EPHB1: variants seen among roughly 807,000 people sequenced by gnomAD.
EPHB1 encodes ephrin type-B receptor 1.
In EPHB1, 30 loss-of-function variants were observed where a neutral mutation model predicts 94.4. The observed-to-expected ratio is 0.32, with a 90% CI of 0.24 to 0.43. EPHB1 has a LOEUF of 0.43. EPHB1 is among the 20% of genes least tolerant of loss of function. The probability of loss-of-function intolerance (pLI) is 1.00; values close to 1 mark genes in which losing one functional copy is unlikely to be tolerated. For missense variants in EPHB1, 1,055 were observed against 1,308.3 expected (o/e 0.81, Z 2.99); for synonymous variants, 522 against 489.1 (o/e 1.07, Z -0.89).
chr3:135,255,215 A>T (rs1933324050), intron 15 of EPHB1, among the ~76,000 whole-genome samples: 2 of 151,438 alleles, frequency 1.3e-5, no homozygotes, highest in Non-Finnish European at 1.5e-5. Context: ...TATTTCCTTC[A>T]GTTCTGCTCT....
chr3:135,251,726 T>C (rs750199332), intron 15 of EPHB1, among the ~76,000 whole-genome samples: 11 of 152,222 alleles, frequency 7.2e-5, no homozygotes, highest in Non-Finnish European at 1.3e-4. Context: ...CTTGGGAGAC[T>C]GACTACCAGC....
chr3:134,951,608 A>G lies in EPHB1; in HGVS notation c.361A>G (p.Ile121Val), dbSNP rs745488354. Residue 121 changes from isoleucine to valine, a missense_variant, in exon 3 of 16, where the codon ATT becomes GTT. Transcript: ENST00000398015. The surrounding 1 kb of genome is among the most constrained non-coding windows in gnomAD (Gnocchi z 4.5). ...NLYYYETDSV[I>V]ATKKSAFWSE... ...GTATTACTATGAGACTGACTCTGTCATTGCCACCAAGAAGTCAGCCTTCTG... is the reference window on the plus strand; with the variant it reads ...GTATTACTATGAGACTGACTCTGTCGTTGCCACCAAGAAGTCAGCCTTCTG... 45 of 1,613,978 alleles carry G rather than the reference A, an allele frequency of 2.8e-5. No homozygotes were observed. Among genetic ancestry groups the G allele is most frequent in the Non-Finnish European group, 3.6e-5 (43 of 1,179,962 alleles).
chr3:135,208,363 C>T (rs1197921526), intron 12 of EPHB1, among the ~76,000 whole-genome samples: 1 of 151,098 alleles, frequency 6.6e-6, no homozygotes, highest in Non-Finnish European at 1.5e-5. Flanking sequence ...GAGATGCACA[C>T]GTGTGGCCCG....
At chr3:134,842,900 G>A (rs114301758) in intron 1 of EPHB1, among the ~76,000 whole-genome samples, 1,867 of 152,162 alleles carry the variant, frequency 0.012, 44 homozygotes, top group African/African-American at 0.043. Context: ...TCAACAATAC[G>A]GTGTTATTAG....
intron 3 of EPHB1, among the ~76,000 whole-genome samples, chr3:135,005,964 C>T (rs1026598337): frequency 1.3e-5 from 2 of 152,154 alleles, no homozygotes; most frequent in African/African-American, 2.4e-5. Flanking sequence ...TGTTCCTATT[C>T]GGCCATCTTG....
intron 4 of EPHB1, among the ~76,000 whole-genome samples, chr3:135,123,665 C>T (rs553255559): frequency 6.6e-6 from 1 of 152,212 alleles, no homozygotes; most frequent in African/African-American, 2.4e-5. Context: ...ACAGACAAGA[C>T]ATTCTGTCAC....
At chr3:134,825,524 G>T (rs2108291486) in intron 1 of EPHB1, among the ~76,000 whole-genome samples, 1 of 152,310 alleles carries the variant, frequency 6.6e-6, no homozygotes, top group South Asian at 2.1e-4. Context: ...CCCTCTTTGG[G>T]TACCATTTTT....
At chr3:135,226,816 T>C (rs1399887184) in intron 12 of EPHB1, among the ~76,000 whole-genome samples, 1 of 152,156 alleles carries the variant, frequency 6.6e-6, no homozygotes, top group Admixed American at 6.5e-5. Flanking sequence ...GATCCATCAT[T>C]TTCTTAACAC....
chr3:135,111,019 G>T (rs1428004252), intron 4 of EPHB1, among the ~76,000 whole-genome samples: 1 of 152,170 alleles, frequency 6.6e-6, no homozygotes, highest in Non-Finnish European at 1.5e-5. Flanking sequence ...GGTAGAAATG[G>T]CTTTGGTATG....
intron 1 of EPHB1, among the ~76,000 whole-genome samples, chr3:134,874,035 T>G (rs1378513761): frequency 2.0e-5 from 3 of 152,106 alleles, no homozygotes; most frequent in Non-Finnish European, 4.4e-5. Flanking sequence ...GGTGGAAACT[T>G]AAACATCAGC....
intron 15 of EPHB1, among the ~76,000 whole-genome samples, chr3:135,251,064 T>TC (rs1553753568): frequency 6.6e-6 from 1 of 151,872 alleles, no homozygotes; most frequent in African/African-American, 2.4e-5. Flanking sequence ...TTTTTTTTTT[T>TC]CAGAAATGAT....
chr3:135,106,818 C>G (rs1042639847), intron 4 of EPHB1, among the ~76,000 whole-genome samples: 1 of 152,148 alleles, frequency 6.6e-6, no homozygotes, highest in Non-Finnish European at 1.5e-5. Context: ...TCTTTCTTCC[C>G]CCTTCTTCCC....
chr3:135,067,668 C>G (rs889649673), intron 3 of EPHB1: 1 of 152,240 alleles, frequency 6.6e-6, no homozygotes, highest in Non-Finnish European at 1.5e-5. Context: ...AGTCTGCATG[C>G]CAGATTCGCA....
intron 1 of EPHB1, among the ~76,000 whole-genome samples, chr3:134,915,874 G>A (rs181491896): frequency 2.2e-4 from 34 of 152,310 alleles, no homozygotes; most frequent in Middle Eastern, 3.4e-3. Flanking sequence ...TGCAAAGAGC[G>A]AAAGAGCAAA....
chr3:134,983,166 T>C (rs572646073), intron 3 of EPHB1, among the ~76,000 whole-genome samples: 4 of 152,336 alleles, frequency 2.6e-5, no homozygotes, highest in African/African-American at 9.6e-5. Context: ...GCCTCACAGG[T>C]CAAATTGCTT....
intron 13 of EPHB1, 63 bp from the exon 14 acceptor site, chr3:135,248,253 A>G: frequency 6.9e-7 from 1 of 1,447,620 alleles, no homozygotes; most frequent in South Asian, 1.5e-5. Flanking sequence ...AAAGGGGATA[A>G]TTTGTGAGTG....
At chr3:134,961,232 G>A (rs1933506981) in intron 3 of EPHB1, among the ~76,000 whole-genome samples, 1 of 152,140 alleles carries the variant, frequency 6.6e-6, no homozygotes, top group Non-Finnish European at 1.5e-5. Flanking sequence ...AGGATGCTGT[G>A]GCTGCAAGTG....
At chr3:135,154,514 G>C in intron 6 of EPHB1, 1 of 457,860 alleles carries the variant, frequency 2.2e-6, no homozygotes. Flanking sequence ...CCTGCAATCT[G>C]GATAGTTCAC....
rs61369813 is a variant in EPHB1, at chr3:134,959,966, C to CTTTTTTTTTTTTTTTTTT, written c.805+7939_805+7956dup. ...AGAATTTGAGCACAAACATCTGCAC[C>CTTTTTTTTTTTTTTTTTT]TTTTTTTTTTTTTTTTTTTTTTTTT... is the stretch of plus-strand genomic sequence containing the variant. On this transcript the variant is annotated intron_variant, in intron 3 of 15. Coordinates refer to ENST00000398015, the MANE Select transcript of EPHB1 (RefSeq NM_004441.5). 3.7e-5 allele frequency among the ~76,000 whole-genome samples: 4 copies of CTTTTTTTTTTTTTTTTTT among 107,378 alleles called. 1 individual carries two copies. Among genetic ancestry groups the CTTTTTTTTTTTTTTTTTT allele is most frequent in the Non-Finnish European group, 7.7e-5 (4 of 52,126 alleles). 70.4% of individuals were successfully genotyped at this position (107,378 alleles called of 152,430 possible).
Sources: allele counts gnomAD v4.1 joint callset (sites outside exome capture counted in the v4.1 genomes callset), GRCh38; gene constraint gnomAD v4.1.1; non-coding constraint Gnocchi (gnomAD v3.1); transcripts MANE v1.5; gene names NCBI Gene and HGNC (gene_info 2026-07-23, HGNC 2026-07-21).